Variants in FRMD7 observed in about 807,000 individuals in gnomAD.
The protein encoded by FRMD7 is FERM domain-containing protein 7.
In FRMD7, 14 loss-of-function variants were observed where a neutral mutation model predicts 44.1. The observed-to-expected ratio is 0.32, with a 90% CI of 0.21 to 0.50. FRMD7 has a LOEUF of 0.50. Among genes scored for constraint, FRMD7 ranks in the 20% least tolerant of loss-of-function variants. FRMD7 has a pLI of 0.99. For missense variants in FRMD7, 501 were observed against 522.3 expected, an observed-to-expected ratio of 0.96 and a Z score of 0.40; for synonymous variants, 212 against 187.4, an observed-to-expected ratio of 1.13 and a Z score of -1.07.
intron 1 of FRMD7, among the ~76,000 whole-genome samples, chrX:132,119,520 C>A (rs962369456): frequency 9.0e-6 from 1 of 111,507 alleles, no homozygotes; most frequent in African/African-American, 3.3e-5. Flanking sequence ...AAGCGCCATG[C>A]CTAAGTGCTT....
intron 5 of FRMD7, among the ~76,000 whole-genome samples, chrX:132,092,833 C>T (rs936332701): frequency 6.3e-5 from 7 of 111,631 alleles, no homozygotes; most frequent in Admixed American, 5.7e-4. Flanking sequence ...CTGGACATGA[C>T]GGTTAGTGTC....
intron 1 of FRMD7, among the ~76,000 whole-genome samples, chrX:132,125,651 T>A (rs898459146): frequency 8.9e-6 from 1 of 112,149 alleles, no homozygotes; most frequent in East Asian, 2.8e-4. Context: ...GGGAACACTG[T>A]CCCACATAAT....
rs186417821 is a variant in FRMD7 at position 132,112,665 on chromosome X, G to A, written c.58-11949C>T. Among the ~76,000 whole-genome samples the A allele has an allele frequency of 1.5e-3, 169 of 111,306 alleles. 1 individual carries two copies. The highest frequency in any genetic ancestry group is 8.2e-3 in the East Asian group (29 of 3,546). ...GGATTAACTGCCCAGAAAGATTTCC[G>A]GCCCACGTGACTATCCTGGGGGGTC... is the stretch of plus-strand genomic sequence containing the variant. On this transcript the variant is annotated intron_variant, in intron 1 of 11. Transcript: ENST00000298542.
At chrX:132,096,257 A>C (rs1214956058) in intron 4 of FRMD7, among the ~76,000 whole-genome samples, 1 of 111,758 alleles carries the variant, frequency 8.9e-6, no homozygotes, top group African/African-American at 3.3e-5. Flanking sequence ...TAAAAGGGGC[A>C]AAGATTGAAC....
intron 1 of FRMD7, among the ~76,000 whole-genome samples, chrX:132,101,394 G>A (rs941690719): frequency 3.6e-5 from 4 of 112,112 alleles, no homozygotes; most frequent in Non-Finnish European, 7.5e-5. Context: ...CCCAGAGAAG[G>A]TTTCTTCAAT....
rs768522038 is a variant in FRMD7, at chrX:132,082,395, T to C, written c.873A>G (p.Leu291=). 8 of 1,208,374 alleles carry C rather than the reference T, an allele frequency of 6.6e-6. No individual in the cohort carries two copies. Among genetic ancestry groups the C allele is most frequent in the South Asian group, 1.8e-5 (1 of 56,791 alleles). The part of the protein sequence containing the change: ...SEEPKSKPKT[L]LCSKGSSFRY... ...GGAAACTGGAACCCTTGCTGCAGAG[T>C]AGGGTTTTGGGCTTTGATTTGGGCT... The change falls in exon 9 of 12, where the codon CTA becomes CTG. Residue 291 remains leucine, a synonymous_variant. Coordinates refer to ENST00000298542, the MANE Select transcript of FRMD7 (RefSeq NM_194277.3).
At chrX:132,085,052 C>A (rs775870678) in intron 7 of FRMD7, among the ~76,000 whole-genome samples, 3 of 111,111 alleles carry the variant, frequency 2.7e-5, no homozygotes, top group South Asian at 7.7e-4. Flanking sequence ...CCAAAACACC[C>A]TTTCATCTAA....
chrX:132,115,624 A>C (rs1008501718), intron 1 of FRMD7, among the ~76,000 whole-genome samples: 2 of 111,464 alleles, frequency 1.8e-5, no homozygotes, highest in African/African-American at 6.5e-5. Flanking sequence ...TTAGTTGTAC[A>C]CTCCCAATGC....
At chrX:132,091,816 T>C (rs766414820) in intron 5 of FRMD7, among the ~76,000 whole-genome samples, 10 of 111,442 alleles carry the variant, frequency 9.0e-5, no homozygotes, top group East Asian at 5.6e-4. Context: ...GCCTGGCTGA[T>C]AGCGTGAGAC....
chrX:132,090,910 C>T (rs1176808139), intron 5 of FRMD7, among the ~76,000 whole-genome samples: 1 of 110,960 alleles, frequency 9.0e-6, no homozygotes, highest in Non-Finnish European at 1.9e-5. Flanking sequence ...GAGTAAATAG[C>T]TCCAGTAACA....
At chrX:132,095,079 TTTATTTA>T (rs1928290209) in intron 4 of FRMD7, among the ~76,000 whole-genome samples, 5 of 100,729 alleles carry the variant, frequency 5.0e-5, no homozygotes, top group Non-Finnish European at 9.9e-5. Flanking sequence ...TATTTATTTA[TTTATTTA>T]TTTATTTATT....
intron 5 of FRMD7, among the ~76,000 whole-genome samples, chrX:132,090,329 CA>C (rs1003987468): frequency 9.6e-5 from 10 of 103,883 alleles, no homozygotes; most frequent in Admixed American, 3.1e-4. Flanking sequence ...GTGAGCATCT[CA>C]AAAAAAAAAG....
At position 132,078,490 on chromosome X, in the gene FRMD7, G is replaced by A. The variant is rs754076102; in HGVS notation, c.1527C>T (p.Ser509=). The A allele has an allele frequency of 1.9e-4, 224 of 1,208,030 alleles. No homozygotes were observed. The highest frequency in any genetic ancestry group is 2.4e-4 in the Non-Finnish European group (213 of 893,973). ...VDKPPQVPRW[S]PIRAEERTSP... ...TTGTCCTTTCCTCTGCTCTAATTGG[G>A]GACCATCTGGGCACCTGGGGTGGCT... Residue 509 remains serine, a synonymous_variant, in exon 12 of 12, where the codon TCC becomes TCT. Transcript: ENST00000298542.
rs5933072 is a variant in FRMD7, at chrX:132,099,649, A to G, written c.163-139T>C. ...CTTCTAAAGGTAGAAACAAACAGCA[A>G]TGTCAAATAGGTGGCATACTACGTT... On this transcript the variant is annotated intron_variant, in intron 2 of 11. Transcript: ENST00000298542. 26,633 of 441,261 alleles carry G rather than the reference A, an allele frequency of 0.06. 641 individuals carry two copies. The highest frequency in any genetic ancestry group is 0.1 in the African/African-American group (4,089 of 40,102). 36.4% of individuals were successfully genotyped at this position (441,261 alleles called of 1,213,427 possible).
intron 1 of FRMD7, among the ~76,000 whole-genome samples, chrX:132,102,677 T>C (rs1398640840): frequency 9.0e-6 from 1 of 111,444 alleles, no homozygotes; most frequent in East Asian, 2.8e-4. Flanking sequence ...ATGACAGCAA[T>C]ACTTTTTCCA....
rs1260317131 is a variant in FRMD7, at chrX:132,077,149, C to G, written c.*723G>C. On this transcript the variant is annotated 3_prime_UTR_variant, in exon 12 of 12. Transcript: ENST00000298542. The stretch of plus-strand genomic sequence containing the variant: ...CTGACCTGATAATGTTTCTCTTTTA[C>G]TAGATATAGTAGATAAGAATATAGA... The G allele has an allele frequency of 9.0e-6, 1 of 111,443 alleles. No homozygotes were observed. Among genetic ancestry groups the G allele is most frequent in the Non-Finnish European group, 1.9e-5 (1 of 53,064 alleles). The allele number at this position is 111,443 out of a possible 1,213,427, so 9.2% of individuals were successfully genotyped here. A position where few individuals can be genotyped will look rare whatever the true frequency, so the allele number is the denominator to read the frequency against.
intron 2 of FRMD7, among the ~76,000 whole-genome samples, chrX:132,099,741 A>G (rs1403072410): frequency 8.9e-6 from 1 of 112,120 alleles, no homozygotes; most frequent in East Asian, 2.8e-4. Flanking sequence ...TTTCTTGTTG[A>G]CATTTGAATC....
intron 1 of FRMD7, among the ~76,000 whole-genome samples, chrX:132,127,309 C>T (rs2124044878): frequency 8.9e-6 from 1 of 111,991 alleles, no homozygotes; most frequent in South Asian, 3.7e-4. Flanking sequence ...CTCTCTCATA[C>T]TTGTCATTCC....
chrX:132,099,544 A>G, intron 2 of FRMD7, 34 bp from the exon 3 acceptor site: 1 of 1,103,335 alleles, frequency 9.1e-7, no homozygotes. Flanking sequence ...TTGGTAGAGC[A>G]TGGCATTGAG....
Sources: gnomAD v4.1 joint callset for allele counts (sites outside exome capture counted in the v4.1 genomes callset) on GRCh38, gnomAD v4.1.1 for gene constraint, MANE v1.5 for transcripts, NCBI Gene and HGNC (gene_info 2026-07-23, HGNC 2026-07-21) for gene names.